PCNX3: variants seen among roughly 807,000 people sequenced by gnomAD.
PCNX3 encodes the protein pecanex 3, also known as pecanex-like protein 3.
In PCNX3, 58 loss-of-function variants were observed where a neutral mutation model predicts 207.2. That is an observed-to-expected ratio of 0.28 (90% CI 0.23 to 0.35). The LOEUF is 0.35. Among genes scored for constraint, PCNX3 ranks in the 10% least tolerant of loss-of-function variants. PCNX3 has a pLI of 1.00. For synonymous variants in PCNX3, 1,337 were observed against 1,183.5 expected, an observed-to-expected ratio of 1.13 and a Z score of -2.66; for missense variants, 2,410 against 2,774.4, an observed-to-expected ratio of 0.87 and a Z score of 2.95.
chr11:65,620,649 C>G (rs185814077), intron 9 of PCNX3, among the ~76,000 whole-genome samples, 182 bp from the exon 10 acceptor site: 3 of 152,174 alleles, frequency 2.0e-5, no homozygotes, highest in Non-Finnish European at 4.4e-5. Flanking sequence ...GGCACAGCCT[C>G]GACACTCGTG....
Position 65,634,277 on chromosome 11 carries a change from G to C in PCNX3, c.4622G>C (p.Arg1541Pro). 1 of 1,611,726 alleles carries C rather than the reference G, an allele frequency of 6.2e-7. No homozygotes were observed. The highest frequency in any genetic ancestry group is 8.5e-7 in the Non-Finnish European group (1 of 1,179,248). Reference sequence around the variant, plus strand: ...AGTGTGGATGAGGACTATGACCTCCGCCTGTCTGGCCTCTCGCTGCCCTCC... The same window carrying C: ...AGTGTGGATGAGGACTATGACCTCCCCCTGTCTGGCCTCTCGCTGCCCTCC... ...SLSVDEDYDL[R>P]LSGLSLPSFC... Residue 1541 changes from arginine (R) to proline (P), a missense_variant, in exon 28 of 35, where the codon CGC (arginine) becomes CCC (proline). Around this residue, in one of 8 missense-constraint regions of PCNX3, gnomAD observed 420 missense variants for 705.3 expected, o/e 0.60. Transcript: ENST00000355703.
intron 20 of PCNX3, 149 bp from the exon 21 acceptor site, chr11:65,626,755 C>A: frequency 8.5e-7 from 1 of 1,172,644 alleles, no homozygotes. Context: ...CTGGGGCTCG[C>A]TGCTCCCATT....
rs758394321 is a variant in PCNX3, at chr11:65,618,744, C to T, written c.1382C>T (p.Ala461Val). 1 of 1,612,088 alleles carries T rather than the reference C, an allele frequency of 6.2e-7. No individual in the cohort carries two copies. The highest frequency in any genetic ancestry group is 8.5e-7 in the Non-Finnish European group (1 of 1,179,322). The change falls in exon 6 of 35, where the codon GCA becomes GTA. Residue 461 changes from alanine (A) to valine (V), a missense_variant. By Grantham distance (64) the Ala-to-Val change is moderately conservative (BLOSUM62 0). Transcript: ENST00000355703. The part of the protein sequence containing the change: ...SCYSPESSRG[A>V]AGGPRKRRAP... ...TACTCCCCTGAGAGCTCCCGGGGTG[C>T]AGCAGGGGGACCCCGGAAGCGGAGG... is the stretch of plus-strand genomic sequence containing the variant.
At position 65,623,336 on chromosome 11, in the gene PCNX3, C is replaced by T. The variant is rs931562197; in HGVS notation, c.2358-155C>T. 4.6e-5 allele frequency among the ~76,000 whole-genome samples: 7 copies of T among 152,342 alleles called. No homozygotes were observed. The East Asian group carries it at 9.6e-4, about 21-fold the overall frequency. On this transcript the variant is annotated intron_variant, in intron 11 of 34. Transcript: ENST00000355703. ...TGGAGCAGGTGCTGCCGGGCCGCGT[C>T]GTCGCAAAGTTATAGGTGTTCACAT...
At chr11:65,632,829 C>G (rs1338305235) in intron 27 of PCNX3, among the ~76,000 whole-genome samples, 1 of 151,340 alleles carries the variant, frequency 6.6e-6, no homozygotes, top group African/African-American at 2.4e-5. Flanking sequence ...ACTGCAGTGT[C>G]CACCTCCCAG....
intron 10 of PCNX3, among the ~76,000 whole-genome samples, chr11:65,621,182 C>T (rs919476640): frequency 6.6e-6 from 1 of 152,214 alleles, no homozygotes; most frequent in Admixed American, 6.5e-5. Context: ...TTGCTTACTA[C>T]GAATTCCTTT....
chr11:65,631,548 A>G (rs147662747), intron 27 of PCNX3, among the ~76,000 whole-genome samples: 5,590 of 152,194 alleles, frequency 0.037, 341 homozygotes, highest in African/African-American at 0.12. Flanking sequence ...AGTCCCAGCT[A>G]CTTGGGACGC....
rs761822787 is a variant in PCNX3, at chr11:65,618,006, C to T, written c.644C>T (p.Ser215Leu). ...PDPSLASTDS[S>L]EPSPLAGDGA... ...CCCTCTCTTGCCAGTACAGACTCTT[C>T]AGAGCCTTCTCCCCTGGCTGGAGAT... is the stretch of plus-strand genomic sequence containing the variant. Residue 215 changes from serine to leucine, a missense_variant, in exon 6 of 35, where the codon TCA becomes TTA. By Grantham distance (145) the Ser-to-Leu change is moderately radical. Coordinates refer to ENST00000355703, the MANE Select transcript of PCNX3 (RefSeq NM_032223.4). 3.1e-6 allele frequency: 5 copies of T among 1,610,746 alleles called. No individual in the cohort carries two copies. The highest frequency in any genetic ancestry group is 2.5e-6 in the Non-Finnish European group (3 of 1,179,028).
At chr11:65,624,068 C>T in intron 13 of PCNX3, 107 bp downstream of exon 13, 1 of 1,573,030 alleles carries the variant, frequency 6.4e-7, no homozygotes, top group South Asian at 1.1e-5. Context: ...TCACCACCCC[C>T]ATCACCCCCA....
chr11:65,631,893 A>C (rs963657332), intron 27 of PCNX3, among the ~76,000 whole-genome samples: 1 of 151,982 alleles, frequency 6.6e-6, no homozygotes, highest in Non-Finnish European at 1.5e-5. Flanking sequence ...TCCTGTCCAC[A>C]CCACATATCA....
At chr11:65,619,347 G>A (rs1401284749) in intron 6 of PCNX3, 190 bp from the exon 7 acceptor site, 110 of 790,932 alleles carry the variant, frequency 1.4e-4, no homozygotes, top group Non-Finnish European at 1.7e-4. Context: ...GTGGGGCAGG[G>A]CCGATCAGTG....
rs375004637 is a variant in PCNX3, at chr11:65,618,003, C to T, written c.641C>T (p.Ser214Phe). ...GACCCCTCTCTTGCCAGTACAGACT[C>T]TTCAGAGCCTTCTCCCCTGGCTGGA... ...VPDPSLASTD[S>F]SEPSPLAGDG... is the part of the protein sequence containing the mutation. The change falls in exon 6 of 35, where the codon TCT becomes TTT. Residue 214 changes from serine (S) to phenylalanine (F), a missense_variant. Physicochemically the swap from Ser to Phe is radical, Grantham distance 155. Around this residue, in one of 8 missense-constraint regions of PCNX3, gnomAD observed 1,104 missense variants for 970.3 expected, o/e 1.14. Coordinates refer to ENST00000355703, the MANE Select transcript of PCNX3 (RefSeq NM_032223.4). 19 of 1,610,746 alleles carry T rather than the reference C, an allele frequency of 1.2e-5. No homozygotes were observed. Among genetic ancestry groups the T allele is most frequent in the Non-Finnish European group, 1.6e-5 (19 of 1,179,072 alleles).
rs1454829368 is a variant in PCNX3, at chr11:65,616,838, C to T, written c.168C>T (p.Ser56=). 2 of 1,611,928 alleles carry T rather than the reference C, an allele frequency of 1.2e-6. No homozygotes were observed. Among genetic ancestry groups the T allele is most frequent in the Admixed American group, 3.3e-5 (2 of 59,968 alleles). Reference sequence around the variant, plus strand: ...TTCATCTTCAGGTCCTGCCTCCCAGCTTGATGGTGGCCGGCGTGTACTGCC... The same window carrying T: ...TTCATCTTCAGGTCCTGCCTCCCAGTTTGATGGTGGCCGGCGTGTACTGCC... ...PFLLYMVLPP[S]LMVAGVYCLV... Residue 56 remains serine (S), a synonymous_variant, in exon 2 of 35, where the codon AGC becomes AGT. Transcript: ENST00000355703.
Position 65,616,174 on chromosome 11 carries a change from C to T in PCNX3, c.-138C>T, listed in dbSNP as rs1854715465. On this transcript the variant is annotated 5_prime_UTR_variant, in exon 1 of 35. Coordinates refer to ENST00000355703, the MANE Select transcript of PCNX3 (RefSeq NM_032223.4). ...GCTCGCACCCTCGCGCGGCCGAGCC[C>T]CCCTCCCCCGCTGGGGGAGGCCATG... 4 of 616,782 alleles carry T rather than the reference C, an allele frequency of 6.5e-6. No homozygotes were observed. Among genetic ancestry groups the T allele is most frequent in the Non-Finnish European group, 7.2e-6 (3 of 417,790 alleles). 38.2% of individuals were successfully genotyped at this position (616,782 alleles called of 1,614,324 possible). A position where few individuals can be genotyped will look rare whatever the true frequency, so the allele number is the denominator to read the frequency against.
At chr11:65,634,390 G>T in intron 28 of PCNX3, 34 bp downstream of exon 28, 1 of 1,544,562 alleles carries the variant, frequency 6.5e-7, no homozygotes, top group Non-Finnish European at 8.8e-7. Context: ...GCCACCTGGG[G>T]CTGTGGGACC....
intron 14 of PCNX3, 25 bp downstream of exon 14, chr11:65,624,391 G>A (rs376097502): frequency 1.3e-6 from 2 of 1,551,640 alleles, no homozygotes; most frequent in African/African-American, 1.4e-5. Context: ...GGGATGAGGT[G>A]GCCCAGGAGA....
At chr11:65,634,406 T>G in intron 28 of PCNX3, 50 bp downstream of exon 28, 1 of 1,519,704 alleles carries the variant, frequency 6.6e-7, no homozygotes. Context: ...GGACCTGGGC[T>G]TCCCTGCTCC....
chr11:65,637,101 C>A lies in PCNX3; in HGVS notation c.*123C>A. On this transcript the variant is annotated 3_prime_UTR_variant, in exon 35 of 35. Transcript: ENST00000355703. ...ATGTCTGAACCCTGACCTTTGGCTG[C>A]CTTGGCCAGAGTACCAAAACTGAGT... 8.8e-7 allele frequency: 1 copy of A among 1,141,412 alleles called. No individual in the cohort carries two copies. The highest frequency in any genetic ancestry group is 1.2e-6 in the Non-Finnish European group (1 of 813,400). 70.7% of individuals were successfully genotyped at this position (1,141,412 alleles called of 1,614,324 possible). A position where few individuals can be genotyped will look rare whatever the true frequency, so the allele number is the denominator to read the frequency against.
At chr11:65,619,109 T>TGGG (rs772256031) in intron 6 of PCNX3, 42 bp downstream of exon 6, 43 of 1,507,850 alleles carry the variant, frequency 2.9e-5, no homozygotes, top group Non-Finnish European at 3.8e-5. Context: ...GGACGTGAGC[T>TGGG]ACGGGCTTGG....
Sources: allele counts gnomAD v4.1 joint callset (sites outside exome capture counted in the v4.1 genomes callset), GRCh38; gene constraint gnomAD v4.1.1; regional missense constraint gnomAD v4.1.1; transcripts MANE v1.5; gene names NCBI Gene and HGNC (gene_info 2026-07-23, HGNC 2026-07-21).